PYROXD2: variants seen among roughly 807,000 people sequenced by gnomAD.
The protein encoded by PYROXD2 is pyridine nucleotide-disulphide oxidoreductase domain 2, also known as pyridine nucleotide-disulfide oxidoreductase domain-containing protein 2.
In PYROXD2, 69 loss-of-function variants were observed where a neutral mutation model predicts 71.1. That is an observed-to-expected ratio of 0.97 (90% CI 0.80 to 1.19). The LOEUF is 1.19. Ranked by LOEUF, PYROXD2 falls within the 50% of genes most tolerant of loss-of-function variation. The pLI is 0.00. For missense variants in PYROXD2, 745 were observed against 748.9 expected, an observed-to-expected ratio of 0.99 and a Z score of 0.06; for synonymous variants, 287 against 302.7, an observed-to-expected ratio of 0.95 and a Z score of 0.54.
intron 12 of PYROXD2, among the ~76,000 whole-genome samples, chr10:98,389,505 T>A (rs2135932078): frequency 6.6e-6 from 1 of 152,272 alleles, no homozygotes; most frequent in African/African-American, 2.4e-5. Context: ...GCCAGGGCAC[T>A]TGACAAGACC....
In PYROXD2 at chr10:98,397,436, A is replaced by T; in HGVS notation, c.534T>A (p.Asp178Glu). 1 of 1,613,494 alleles carries T rather than the reference A, an allele frequency of 6.2e-7. No individual in the cohort carries two copies. Among genetic ancestry groups the T allele is most frequent in the South Asian group, 1.1e-5 (1 of 90,952 alleles). The change falls in exon 6 of 16, where the codon GAT (aspartate) becomes GAA (glutamate). Residue 178 changes from aspartate (D) to glutamate (E), a missense_variant. Physicochemically the swap from Asp to Glu is conservative, Grantham distance 45. Transcript: ENST00000370575. ...RLALAIDPLLDAAPVDMAAFQ... is the reference protein window; with the variant it reads ...RLALAIDPLLEAAPVDMAAFQ... The stretch of plus-strand genomic sequence containing the variant: ...AGGCCGCCATGTCCACGGGGGCCGC[A>T]TCCAGCAGAGGGTCAATGGCTAATG...
intron 13 of PYROXD2, among the ~76,000 whole-genome samples, chr10:98,387,591 C>T (rs371948309): frequency 1.8e-4 from 27 of 150,514 alleles, no homozygotes; most frequent in Admixed American, 6.0e-4. Flanking sequence ...TTTGCATATG[C>T]AGCTTTTTTC....
At chr10:98,410,788 T>C (rs1236723745) in intron 2 of PYROXD2, 151 bp downstream of exon 2, 1 of 1,164,706 alleles carries the variant, frequency 8.6e-7, no homozygotes. Flanking sequence ...CAGCCCCCAG[T>C]CAGCACTGGA....
chr10:98,401,906 A>G (rs1026512029), intron 4 of PYROXD2, among the ~76,000 whole-genome samples: 1 of 152,214 alleles, frequency 6.6e-6, no homozygotes, highest in Admixed American at 6.5e-5. Flanking sequence ...AATTTTTTAA[A>G]TAAGGAAAAG....
Position 98,390,808 on chromosome 10 carries a change from C to T in PYROXD2, c.1136-54G>A, listed in dbSNP as rs560307401. ...TTAGCCCCACAAGGTCCTCCCTCTA[C>T]AGCCAGCACCCTGCTACCCTCAGTG... On this transcript the variant is annotated intron_variant, in intron 11 of 15. Transcript: ENST00000370575. 1.8e-5 allele frequency: 28 copies of T among 1,532,824 alleles called. No individual in the cohort carries two copies. In the African/African-American group the frequency reaches 2.7e-4, roughly 15 times the overall value. 95.0% of individuals were successfully genotyped at this position (1,532,824 alleles called of 1,614,324 possible). A position where few individuals can be genotyped will look rare whatever the true frequency, so the allele number is the denominator to read the frequency against.
intron 8 of PYROXD2, 87 bp from the exon 9 acceptor site, chr10:98,393,170 T>A: frequency 9.4e-7 from 1 of 1,063,180 alleles, no homozygotes; most frequent in South Asian, 1.7e-5. Context: ...TCCATCTTGA[T>A]CTTCAGCCCT....
chr10:98,401,256 A>AG (rs1843392148), intron 4 of PYROXD2, among the ~76,000 whole-genome samples: 3 of 145,200 alleles, frequency 2.1e-5, no homozygotes, highest in Admixed American at 6.9e-5. Context: ...TCTGTCTCAA[A>AG]AAAAAAAAAA....
At chr10:98,410,837 C>T (rs965289207) in intron 2 of PYROXD2, 102 bp downstream of exon 2, 2 of 1,529,328 alleles carry the variant, frequency 1.3e-6, no homozygotes, top group Non-Finnish European at 8.9e-7. Context: ...TTCCTTCTCT[C>T]TCAAGGCCCT....
chr10:98,397,296 CCTCCTTGA>C (rs1173328253), intron 6 of PYROXD2, 41 bp downstream of exon 6: 1 of 1,512,172 alleles, frequency 6.6e-7, no homozygotes, highest in Non-Finnish European at 8.9e-7. Context: ...AATGGGCTCA[CCTCCTTGA>C]AGGTCACTCA....
intron 4 of PYROXD2, among the ~76,000 whole-genome samples, chr10:98,403,163 C>T (rs1187388845): frequency 3.9e-5 from 6 of 152,220 alleles, no homozygotes; most frequent in Admixed American, 1.3e-4. Context: ...GGGGTCCCTC[C>T]TATCCCTAAG....
At position 98,407,959 on chromosome 10, in the gene PYROXD2, G is replaced by C; in HGVS notation, c.186C>G (p.Val62=). The C allele has an allele frequency of 6.2e-7, 1 of 1,610,680 alleles. No homozygotes were observed. Residue 62 remains valine (V), a synonymous_variant, in exon 3 of 16, where the codon GTC becomes GTG. Coordinates refer to ENST00000370575, the MANE Select transcript of PYROXD2 (RefSeq NM_032709.3). ...YLQRLGVNTA[V]FERRHVIGGA... Reference sequence around the variant, plus strand: ...CCCCGATCACATGGCGCCTCTCGAAGACGGCGGTGTTCACCCCCAGTCTCT... The same window carrying C: ...CCCCGATCACATGGCGCCTCTCGAACACGGCGGTGTTCACCCCCAGTCTCT...
At chr10:98,387,372 A>C in intron 13 of PYROXD2, 65 bp from the exon 14 acceptor site, 1 of 1,152,210 alleles carries the variant, frequency 8.7e-7, no homozygotes, top group African/African-American at 1.6e-5. Context: ...ATGGGTGTAC[A>C]ACTTGGCAAA....
chr10:98,393,003 G>A lies in PYROXD2; in HGVS notation c.866C>T (p.Ala289Val). ...AWGYVQGGMG[A>V]LSDAIASSAT... is the part of the protein sequence containing the mutation. ...TGAGCTTGCGATCGCATCAGAGAGGGCACCCATGCCCCCCTGGACGTAGCC... is the reference window on the plus strand; with the variant it reads ...TGAGCTTGCGATCGCATCAGAGAGGACACCCATGCCCCCCTGGACGTAGCC... The change falls in exon 9 of 16, where the codon GCC (alanine) becomes GTC (valine). Residue 289 changes from alanine (A) to valine (V), a missense_variant. Ala to Val is a moderately conservative substitution (Grantham distance 64). Transcript: ENST00000370575. 1 of 1,613,336 alleles carries A rather than the reference G, an allele frequency of 6.2e-7. No homozygotes were observed. Among genetic ancestry groups the A allele is most frequent in the Non-Finnish European group, 8.5e-7 (1 of 1,179,472 alleles).
chr10:98,391,261 T>C (rs1285165119), intron 10 of PYROXD2, among the ~76,000 whole-genome samples, 179 bp from the exon 11 acceptor site: 3 of 152,112 alleles, frequency 2.0e-5, no homozygotes, highest in Non-Finnish European at 4.4e-5. Flanking sequence ...CACTCAGCTC[T>C]AACCACTTCC....
intron 4 of PYROXD2, among the ~76,000 whole-genome samples, 193 bp downstream of exon 4, chr10:98,407,389 C>T (rs1444490969): frequency 6.6e-6 from 1 of 152,188 alleles, no homozygotes; most frequent in African/African-American, 2.4e-5. Flanking sequence ...TTTCAAGACA[C>T]TACATGGACG....
intron 14 of PYROXD2, among the ~76,000 whole-genome samples, chr10:98,386,329 G>A (rs1842752547): frequency 7.6e-6 from 1 of 130,958 alleles, no homozygotes; most frequent in Admixed American, 7.6e-5. Flanking sequence ...AAGGGAGGGA[G>A]GAAGGAAGGA....
chr10:98,390,863 T>G, intron 11 of PYROXD2, 109 bp from the exon 12 acceptor site: 1 of 1,433,546 alleles, frequency 7.0e-7, no homozygotes, highest in Non-Finnish European at 9.6e-7. Flanking sequence ...TATGAGCAAG[T>G]GTTTCACCTT....
intron 6 of PYROXD2, among the ~76,000 whole-genome samples, chr10:98,396,080 G>C (rs1843164158): frequency 6.6e-6 from 1 of 152,138 alleles, no homozygotes; most frequent in African/African-American, 2.4e-5. Context: ...TCTACTTTTT[G>C]CATTTGTAAT....
At position 98,383,618 on chromosome 10, in the gene PYROXD2, G is replaced by A. The variant is rs1842657915; in HGVS notation, c.*180C>T. On this transcript the variant is annotated 3_prime_UTR_variant, in exon 16 of 16. Transcript: ENST00000370575. ...AAACAGAACCAGTCCATGTATGGAG[G>A]CATGGGCATAAGGTCAACTTGCACT... The A allele has an allele frequency of 7.5e-6, 5 of 665,624 alleles. No individual in the cohort carries two copies. In the South Asian group the frequency reaches 9.0e-5, roughly 12 times the overall value. The allele number at this position is 665,624 out of a possible 1,614,324, so 41.2% of individuals were successfully genotyped here. A position where few individuals can be genotyped will look rare whatever the true frequency, so the allele number is the denominator to read the frequency against.
Sources: gnomAD v4.1 joint callset for allele counts (sites outside exome capture counted in the v4.1 genomes callset) on GRCh38, gnomAD v4.1.1 for gene constraint, MANE v1.5 for transcripts, NCBI Gene and HGNC (gene_info 2026-07-23, HGNC 2026-07-21) for gene names.